The following PTPRD variants were observed in gnomAD, a reference collection of about 807,000 sequenced individuals.
PTPRD encodes receptor-type tyrosine-protein phosphatase delta.
In PTPRD, 34 loss-of-function variants were observed where a neutral mutation model predicts 214.5. The ratio of observed to expected loss-of-function variants is 0.16; its 90% CI spans 0.12 to 0.21. The LOEUF (loss-of-function observed/expected upper bound fraction) is 0.21, where lower values mean the gene tolerates loss of function less well. Among genes scored for constraint, PTPRD ranks in the 10% least tolerant of loss-of-function variants. The pLI is 1.00. For synonymous variants in PTPRD, 1,128 were observed against 845.7 expected, an observed-to-expected ratio of 1.33 and a Z score of -5.79; for missense variants, 2,545 against 2,398.7, an observed-to-expected ratio of 1.06 and a Z score of -1.27.
chr9:9,775,892 C>T (rs1300610916), intron 5 of PTPRD, among the ~76,000 whole-genome samples: 1 of 133,166 alleles, frequency 7.5e-6, no homozygotes, highest in Non-Finnish European at 1.5e-5. Context: ...GGAGGCGGAG[C>T]TTGCAGTGAG....
intron 27 of PTPRD, among the ~76,000 whole-genome samples, chr9:8,491,717 T>A (rs2097154667): frequency 6.6e-6 from 1 of 150,774 alleles, no homozygotes; most frequent in African/African-American, 2.4e-5. Flanking sequence ...TTGCCATCTG[T>A]AATCCTGCTG....
At chr9:8,408,698 C>T (rs1260182200) in intron 35 of PTPRD, among the ~76,000 whole-genome samples, 1 of 152,152 alleles carries the variant, frequency 6.6e-6, no homozygotes, top group Admixed American at 6.5e-5. Context: ...CATATAGCGT[C>T]TAAAGTTTTA....
chr9:9,110,553 T>C (rs1191498510), intron 10 of PTPRD, among the ~76,000 whole-genome samples: 1 of 152,116 alleles, frequency 6.6e-6, no homozygotes, highest in Non-Finnish European at 1.5e-5. Flanking sequence ...TCCCACTGTT[T>C]TTACAAAAAT....
At chr9:9,420,889 TA>T (rs1271084623) in intron 8 of PTPRD, among the ~76,000 whole-genome samples, 1 of 151,982 alleles carries the variant, frequency 6.6e-6, no homozygotes, top group Middle Eastern at 3.2e-3. Flanking sequence ...GATAATTTGT[TA>T]AAATATTTGA....
chr9:9,245,241 G>A (rs903430172), intron 9 of PTPRD, among the ~76,000 whole-genome samples: 1 of 152,132 alleles, frequency 6.6e-6, no homozygotes, highest in Non-Finnish European at 1.5e-5. Context: ...ATTCCTCGGG[G>A]ATCTAGAACT....
intron 5 of PTPRD, among the ~76,000 whole-genome samples, chr9:9,863,575 C>T (rs1045895829): frequency 1.3e-5 from 2 of 152,100 alleles, no homozygotes; most frequent in African/African-American, 4.8e-5. Context: ...ATCCTCCTTG[C>T]CAAAGTAATG....
At chr9:9,256,408 TTC>T (rs988790561) in intron 9 of PTPRD, among the ~76,000 whole-genome samples, 1 of 152,042 alleles carries the variant, frequency 6.6e-6, no homozygotes, top group African/African-American at 2.4e-5. Context: ...TACATTTTTT[TTC>T]TCTCTTTTTT....
chr9:8,742,045 C>A (rs561252185), intron 11 of PTPRD, among the ~76,000 whole-genome samples: 1 of 152,198 alleles, frequency 6.6e-6, no homozygotes, highest in South Asian at 2.1e-4. Flanking sequence ...CGATTATGCA[C>A]CTGTTCCAAA....
At chr9:8,594,657 T>C (rs1398091082) in intron 14 of PTPRD, among the ~76,000 whole-genome samples, 3 of 152,036 alleles carry the variant, frequency 2.0e-5, no homozygotes, top group African/African-American at 7.2e-5. Context: ...TGTTTGACTG[T>C]TCCTCCTTCC....
intron 5 of PTPRD, among the ~76,000 whole-genome samples, chr9:9,904,944 T>C (rs552241384): frequency 2.0e-5 from 3 of 152,158 alleles, no homozygotes; most frequent in East Asian, 3.9e-4. Flanking sequence ...ATTCAGTTCA[T>C]TAAAGAACAA....
chr9:9,329,618 G>A (rs1257442162), intron 9 of PTPRD, among the ~76,000 whole-genome samples: 3 of 152,104 alleles, frequency 2.0e-5, no homozygotes, highest in African/African-American at 7.2e-5. Flanking sequence ...TCTATCTTCT[G>A]TTAGAGAATG....
intron 3 of PTPRD, among the ~76,000 whole-genome samples, chr9:10,265,651 G>A (rs1254190728): frequency 6.6e-6 from 1 of 152,156 alleles, no homozygotes; most frequent in Non-Finnish European, 1.5e-5. Flanking sequence ...GTAAATAAAT[G>A]AGCAAGGCTG....
chr9:10,248,715 G>A (rs191688222), intron 3 of PTPRD, among the ~76,000 whole-genome samples: 12 of 152,060 alleles, frequency 7.9e-5, no homozygotes, highest in Admixed American at 3.3e-4. Context: ...ACTTTTGGAC[G>A]TGCCTTCTTT....
intron 3 of PTPRD, among the ~76,000 whole-genome samples, chr9:10,156,046 A>T (rs2099090462): frequency 6.6e-6 from 1 of 151,066 alleles, no homozygotes. Context: ...TTTCCAAAAA[A>T]CAACTCATGG....
intron 5 of PTPRD, among the ~76,000 whole-genome samples, chr9:9,857,747 G>C (rs997303438): frequency 6.6e-6 from 1 of 152,098 alleles, no homozygotes; most frequent in Non-Finnish European, 1.5e-5. Flanking sequence ...TCTGTTTCAG[G>C]GCAAACACTC....
intron 10 of PTPRD, among the ~76,000 whole-genome samples, chr9:9,053,842 T>C (rs762231617): frequency 2.0e-5 from 3 of 152,298 alleles, no homozygotes; most frequent in Middle Eastern, 3.4e-3. Context: ...CTAATGCACT[T>C]ATGGTACAAT....
chr9:9,289,500 C>T (rs1950502142), intron 9 of PTPRD, among the ~76,000 whole-genome samples: 1 of 151,696 alleles, frequency 6.6e-6, no homozygotes, highest in Admixed American at 6.6e-5. Flanking sequence ...TGTGTGTCTG[C>T]TCTCTTCAAA....
At chr9:8,797,277 T>C (rs1358168927) in intron 11 of PTPRD, 2 of 152,162 alleles carry the variant, frequency 1.3e-5, no homozygotes, top group African/African-American at 2.4e-5. Flanking sequence ...GGCCAAGAGA[T>C]TTACTCCTAG....
At chr9:10,400,928 C>T (rs557597126) in intron 2 of PTPRD, among the ~76,000 whole-genome samples, 1 of 151,566 alleles carries the variant, frequency 6.6e-6, no homozygotes, top group Middle Eastern at 3.4e-3. Flanking sequence ...CCTTTCTTTA[C>T]TCCTTAAACA....
Sources: allele counts gnomAD v4.1 joint callset (sites outside exome capture counted in the v4.1 genomes callset), GRCh38; gene constraint gnomAD v4.1.1; transcripts MANE v1.5; gene names NCBI Gene and HGNC (gene_info 2026-07-23, HGNC 2026-07-21).